Variants in NCAPD2 observed in about 807,000 individuals in gnomAD.
NCAPD2 encodes the protein non-SMC condensin I complex subunit D2, also known as condensin complex subunit 1.
In NCAPD2, 100 loss-of-function variants were observed where a neutral mutation model predicts 164.5. The observed-to-expected ratio is 0.61, with a 90% CI of 0.52 to 0.72. The LOEUF (loss-of-function observed/expected upper bound fraction) is 0.72. NCAPD2 is among the 30% of genes least tolerant of loss of function. The pLI, the probability that NCAPD2 is intolerant of heterozygous loss-of-function variation, is 0.00. For missense variants in NCAPD2, 1,560 were observed against 1,749.2 expected (o/e 0.89, Z 1.93); for synonymous variants, 585 against 642.6 (o/e 0.91, Z 1.36).
At position 6,529,945 on chromosome 12, in the gene NCAPD2, A is replaced by C. The variant is rs780672076; in HGVS notation, c.3824A>C (p.Lys1275Thr). Residue 1275 changes from lysine (K) to threonine (T), a missense_variant, in exon 29 of 32, where the codon AAG (lysine) becomes ACG (threonine). Coordinates refer to ENST00000315579, the MANE Select transcript of NCAPD2 (RefSeq NM_014865.4). Reference protein sequence around the residue: ...SVVGKLRRGAKPEGKAIIDEF... With the variant: ...SVVGKLRRGATPEGKAIIDEF... ...GTAGGCAAGCTGCGACGTGGGGCCA[A>C]GCCTGAGGGCAAGGTGAGCAGCACA... The C allele has an allele frequency of 6.2e-7, 1 of 1,613,614 alleles. No homozygotes were observed. The highest frequency in any genetic ancestry group is 8.5e-7 in the Non-Finnish European group (1 of 1,179,622).
intron 2 of NCAPD2, among the ~76,000 whole-genome samples, chr12:6,502,836 TTTTGTTG>T (rs1565539084): frequency 2.7e-5 from 2 of 73,756 alleles, no homozygotes. Context: ...ACAAAGGTGT[TTTTGTTG>T]TTGTTGTTGT....
chr12:6,526,500 C>T lies in NCAPD2; in HGVS notation c.2619C>T (p.Thr873=). 1 of 1,614,010 alleles carries T rather than the reference C, an allele frequency of 6.2e-7. No homozygotes were observed. The highest frequency in any genetic ancestry group is 2.2e-5 in the East Asian group (1 of 44,890). Residue 873 remains threonine (T), a synonymous_variant, in exon 21 of 32, where the codon ACC becomes ACT. Coordinates refer to ENST00000315579, the MANE Select transcript of NCAPD2 (RefSeq NM_014865.4). ...LWIPFKEVAV[T]LIYQLAEGPE... The stretch of plus-strand genomic sequence containing the variant: ...TCCCATTCAAAGAGGTGGCAGTGAC[C>T]CTCATTTACCAACTGGCAGAGGGCC...
Position 6,528,560 on chromosome 12 carries a change from C to T in NCAPD2, c.3300-119C>T. The T allele has an allele frequency of 2.4e-6, 3 of 1,275,960 alleles. No homozygotes were observed. The highest frequency in any genetic ancestry group is 3.3e-6 in the Non-Finnish European group (3 of 918,364). The allele number at this position is 1,275,960 out of a possible 1,614,324, so 79.0% of individuals were successfully genotyped here. A position where few individuals can be genotyped will look rare whatever the true frequency, so the allele number is the denominator to read the frequency against. On this transcript the variant is annotated intron_variant, in intron 25 of 31. Coordinates refer to ENST00000315579, the MANE Select transcript of NCAPD2 (RefSeq NM_014865.4). This position sits in a 1 kb window ranked among gnomAD's most constrained non-coding sequence, Gnocchi z 5.1. The stretch of plus-strand genomic sequence containing the variant: ...CCAGCTTTCAACTCTAGACAGCTTT[C>T]TGACTGCTTCTGGAGTGGCAGAGCA...
chr12:6,529,460 G>A lies in NCAPD2; in HGVS notation c.3573-53G>A, dbSNP rs539661201. On this transcript the variant is annotated intron_variant, in intron 27 of 31. Coordinates refer to ENST00000315579, the MANE Select transcript of NCAPD2 (RefSeq NM_014865.4). ...GGAGGGTCCAGGGTTGGTCTTAGTG[G>A]ATGGCAGAGCTGGCCCTGGGCCATC... 1.3e-5 allele frequency: 20 copies of A among 1,531,576 alleles called. No individual in the cohort carries two copies. The African/African-American group carries it at 2.0e-4, about 16-fold the overall frequency. 94.9% of individuals were successfully genotyped at this position (1,531,576 alleles called of 1,614,324 possible).
Position 6,525,706 on chromosome 12 carries a change from A to T in NCAPD2, c.2338A>T (p.Met780Leu), listed in dbSNP as rs1279729513. 1.2e-6 allele frequency: 2 copies of T among 1,613,404 alleles called. No individual in the cohort carries two copies. The highest frequency in any genetic ancestry group is 4.5e-5 in the East Asian group (2 of 44,848). ...ERCSSVMLLG[M>L]MARGKPEIVG... ...CTGTTCCTCTGTCATGCTTCTTGGC[A>T]TGATGGCACGGTGAGGCTCAAATCT... The change falls in exon 18 of 32, where the codon ATG becomes TTG. Residue 780 changes from methionine to leucine, a missense_variant. By Grantham distance (15) the Met-to-Leu change is conservative. Transcript: ENST00000315579.
chr12:6,526,728 T>C, intron 21 of NCAPD2, 113 bp downstream of exon 21: 19 of 1,465,214 alleles, frequency 1.3e-5, no homozygotes, highest in Non-Finnish European at 1.8e-5. Flanking sequence ...CACTGTGTCG[T>C]TTTTGTCTAA....
At chr12:6,500,392 A>C (rs767929510) in intron 2 of NCAPD2, among the ~76,000 whole-genome samples, 2 of 152,246 alleles carry the variant, frequency 1.3e-5, no homozygotes, top group Non-Finnish European at 2.9e-5. Flanking sequence ...TAAACTATGC[A>C]GATTGTTAGG....
rs573926408 is a variant in NCAPD2, at chr12:6,503,731, AC to A, written c.128-5985del. On this transcript the variant is annotated intron_variant, in intron 2 of 31. Coordinates refer to ENST00000315579, the MANE Select transcript of NCAPD2 (RefSeq NM_014865.4). ...GGTTGTAGTGAGCCGAGATCGTGCC[AC>A]TGCACTTCAGCCTGGGTGACAGAGC... Among the ~76,000 whole-genome samples, 143 of 150,564 alleles carry A rather than the reference AC, an allele frequency of 9.5e-4. 1 individual carries two copies. Among genetic ancestry groups the A allele is most frequent in the African/African-American group, 3.3e-3 (135 of 40,912 alleles).
chr12:6,516,972 T>G lies in NCAPD2; in HGVS notation c.1132T>G (p.Ser378Ala), dbSNP rs778053909. ...TLQAHGHDVNSFVRSRVLQLF... is the reference protein window; with the variant it reads ...TLQAHGHDVNAFVRSRVLQLF... ...ACAAGCCCATGGCCATGATGTCAAC[T>G]CCTTTGTGCGGAGCCGTGTTTTGCA... The change falls in exon 10 of 32, where the codon TCC becomes GCC. Residue 378 changes from serine (S) to alanine (A), a missense_variant. Ser to Ala is a moderately conservative substitution (Grantham distance 99). Coordinates refer to ENST00000315579, the MANE Select transcript of NCAPD2 (RefSeq NM_014865.4). The G allele has an allele frequency of 4.9e-5, 79 of 1,614,016 alleles. No individual in the cohort carries two copies. Among genetic ancestry groups the G allele is most frequent in the Admixed American group, 2.0e-4 (12 of 59,996 alleles).
Position 6,517,699 on chromosome 12 carries a change from C to G in NCAPD2, c.1408+16C>G. ...GCAGCAGCTTGTAAGTAGTTACTGC[C>G]TTGGAGTCCTAATGCCAGACAGGCT... On this transcript the variant is annotated intron_variant, in intron 12 of 31. Transcript: ENST00000315579. 4 of 1,614,156 alleles carry G rather than the reference C, an allele frequency of 2.5e-6. No individual in the cohort carries two copies. Among genetic ancestry groups the G allele is most frequent in the Non-Finnish European group, 3.4e-6 (4 of 1,179,994 alleles).
chr12:6,520,472 A>C (rs549505933), intron 13 of NCAPD2, among the ~76,000 whole-genome samples: 1 of 145,260 alleles, frequency 6.9e-6, no homozygotes, highest in South Asian at 2.2e-4. Flanking sequence ...TCACACCCAC[A>C]GGCACACACC....
In NCAPD2 at chr12:6,514,315, A is replaced by T; in HGVS notation, c.638A>T (p.His213Leu). The change falls in exon 7 of 32, where the codon CAC becomes CTC. Residue 213 changes from histidine (H) to leucine (L), a missense_variant. His to Leu is a moderately conservative substitution (Grantham distance 99). Coordinates refer to ENST00000315579, the MANE Select transcript of NCAPD2 (RefSeq NM_014865.4). ...YRLLENPTIN[H>L]QKNRPTREAI... is the part of the protein sequence containing the mutation. ...CTTCTGGAGAATCCCACCATTAATC[A>T]CCAGAAGAACCGCCCCACTCGGGAA... 6.2e-7 allele frequency: 1 copy of T among 1,613,990 alleles called. No individual in the cohort carries two copies.
chr12:6,525,977 A>G lies in NCAPD2; in HGVS notation c.2349-91A>G. ...AGTGCTCCACGGCTCTAGACACCACATGAGGTGCTGGTACCTACCCCTATT... is the reference window on the plus strand; with the variant it reads ...AGTGCTCCACGGCTCTAGACACCACGTGAGGTGCTGGTACCTACCCCTATT... On this transcript the variant is annotated intron_variant, in intron 18 of 31. Coordinates refer to ENST00000315579, the MANE Select transcript of NCAPD2 (RefSeq NM_014865.4). 7 of 1,507,182 alleles carry G rather than the reference A, an allele frequency of 4.6e-6. No individual in the cohort carries two copies. In the South Asian group the frequency reaches 6.2e-5, roughly 13 times the overall value. 93.4% of individuals were successfully genotyped at this position (1,507,182 alleles called of 1,614,324 possible).
chr12:6,530,980 C>G lies in NCAPD2; in HGVS notation c.4024C>G (p.Pro1342Ala). 1 of 1,614,218 alleles carries G rather than the reference C, an allele frequency of 6.2e-7. No individual in the cohort carries two copies. Among genetic ancestry groups the G allele is most frequent in the South Asian group, 1.1e-5 (1 of 91,084 alleles). ...AGACAATGACTTTGTCACACCAGAG[C>G]CCCGCCGTACTACCCGTCGGCATCC... is the stretch of plus-strand genomic sequence containing the variant. The part of the protein sequence containing the change: ...ASDNDFVTPE[P>A]RRTTRRHPNT... The change falls in exon 31 of 32, where the codon CCC (proline) becomes GCC (alanine). Residue 1342 changes from proline to alanine, a missense_variant. Coordinates refer to ENST00000315579, the MANE Select transcript of NCAPD2 (RefSeq NM_014865.4).
In NCAPD2 at chr12:6,530,827, G is replaced by A. The variant is rs1489275804; in HGVS notation, c.3964+10G>A. The stretch of plus-strand genomic sequence containing the variant: ...AAGAAACCATCCACTGGTACGTAAG[G>A]CAGCCTGTGCGGGCGAGACCAGACT... On this transcript the variant is annotated intron_variant, in intron 30 of 31. Coordinates refer to ENST00000315579, the MANE Select transcript of NCAPD2 (RefSeq NM_014865.4). The A allele has an allele frequency of 6.2e-7, 1 of 1,614,052 alleles. No homozygotes were observed. Among genetic ancestry groups the A allele is most frequent in the Non-Finnish European group, 8.5e-7 (1 of 1,180,042 alleles).
chr12:6,518,504 G>GTTTTTGGT (rs746627585), intron 13 of NCAPD2, among the ~76,000 whole-genome samples: 1 of 44,774 alleles, frequency 2.2e-5, no homozygotes, highest in Non-Finnish European at 3.9e-5. Context: ...CCGTCAACAA[G>GTTTTTGGT]TTTTTTTTTT....
At position 6,529,772 on chromosome 12, in the gene NCAPD2, C is replaced by T. The variant is rs2137062441; in HGVS notation, c.3654-3C>T. The T allele has an allele frequency of 1.2e-6, 2 of 1,610,912 alleles. No homozygotes were observed. Among genetic ancestry groups the T allele is most frequent in the Non-Finnish European group, 1.7e-6 (2 of 1,177,908 alleles). On this transcript the variant is annotated splice_polypyrimidine_tract_variant and splice_region_variant and intron_variant, in intron 28 of 31. Coordinates refer to ENST00000315579, the MANE Select transcript of NCAPD2 (RefSeq NM_014865.4). ...TTCCTCACAAAGCCCTTCCTATCTGCAGAACTGAGCGGCAGCAGCGAGACC... is the reference window on the plus strand; with the variant it reads ...TTCCTCACAAAGCCCTTCCTATCTGTAGAACTGAGCGGCAGCAGCGAGACC...
chr12:6,521,418 A>C (rs1946262432), intron 14 of NCAPD2, among the ~76,000 whole-genome samples: 1 of 152,250 alleles, frequency 6.6e-6, no homozygotes, highest in South Asian at 2.1e-4. Flanking sequence ...GTCGTGGCTT[A>C]TGCCTGTAAT....
chr12:6,519,541 ACCAGGCCTGGCCTTTGCCAG>A (rs997198984), intron 13 of NCAPD2, among the ~76,000 whole-genome samples: 4 of 152,200 alleles, frequency 2.6e-5, no homozygotes, highest in African/African-American at 7.2e-5. Context: ...GGTACACACC[ACCAGGCCTGGCCTTTGCCAG>A]CCTGGGCAAC....
Sources: gnomAD v4.1 joint callset for allele counts (sites outside exome capture counted in the v4.1 genomes callset) on GRCh38, gnomAD v4.1.1 for gene constraint, Gnocchi (gnomAD v3.1) non-coding constraint, MANE v1.5 for transcripts, NCBI Gene and HGNC (gene_info 2026-07-23, HGNC 2026-07-21) for gene names.